GRM8: variants seen among roughly 807,000 people sequenced by gnomAD.
GRM8 encodes the protein metabotropic glutamate receptor 8.
In GRM8, 47 loss-of-function variants were observed where a neutral mutation model predicts 87.2. That is an observed-to-expected ratio of 0.54 (90% confidence interval 0.43 to 0.69). GRM8 has a LOEUF of 0.69. GRM8 is among the 30% of genes least tolerant of loss of function. The pLI, the probability that GRM8 is intolerant of heterozygous loss-of-function variation, is 0.00. For missense variants in GRM8, 1,019 were observed against 1,139.2 expected (o/e 0.89, Z 1.52); for synonymous variants, 396 against 404.5 (o/e 0.98, Z 0.25).
At chr7:127,010,226 G>A (rs1814748365) in intron 3 of GRM8, among the ~76,000 whole-genome samples, 1 of 152,036 alleles carries the variant, frequency 6.6e-6, no homozygotes, top group South Asian at 2.1e-4. Context: ...CTCCCTCAAG[G>A]CAACAGAACT....
intron 7 of GRM8, among the ~76,000 whole-genome samples, chr7:126,728,293 C>T (rs1813230407): frequency 6.6e-6 from 1 of 152,158 alleles, no homozygotes; most frequent in South Asian, 2.1e-4. Context: ...CCTGTCTGTG[C>T]CCTTGCTGAC....
chr7:126,947,979 C>T lies in GRM8; in HGVS notation c.728-43296G>A, dbSNP rs1807726563. ...TGATTTGCCAAATGTCAGACAGCATCCTAGCAAAGAGGGTAAGTTCTACTT... is the reference window on the plus strand; with the variant it reads ...TGATTTGCCAAATGTCAGACAGCATTCTAGCAAAGAGGGTAAGTTCTACTT... On this transcript the variant is annotated intron_variant, in intron 3 of 10. Coordinates refer to ENST00000339582, the MANE Select transcript of GRM8 (RefSeq NM_000845.3). Among the ~76,000 whole-genome samples the T allele has an allele frequency of 4.6e-5, 7 of 152,148 alleles. No individual in the cohort carries two copies. In the South Asian group the frequency reaches 1.5e-3, roughly 32 times the overall value.
intron 2 of GRM8, among the ~76,000 whole-genome samples, chr7:127,108,881 T>A (rs887228003): frequency 2.0e-5 from 3 of 152,210 alleles, no homozygotes; most frequent in Admixed American, 2.0e-4. Flanking sequence ...TGCAAGAGTA[T>A]GCATTTGTAT....
intron 3 of GRM8, among the ~76,000 whole-genome samples, chr7:127,035,245 G>A (rs1162270991): frequency 6.6e-6 from 1 of 152,136 alleles, no homozygotes; most frequent in African/African-American, 2.4e-5. Flanking sequence ...AAACACCATA[G>A]AATCATTTCA....
chr7:126,755,177 C>T (rs985964489), intron 7 of GRM8, among the ~76,000 whole-genome samples: 1 of 151,974 alleles, frequency 6.6e-6, no homozygotes, highest in Admixed American at 6.6e-5. Context: ...TGCCTATGCA[C>T]ATAGACTGTT....
intron 7 of GRM8, among the ~76,000 whole-genome samples, chr7:126,626,790 C>A (rs1352595232): frequency 6.6e-6 from 1 of 152,088 alleles, no homozygotes; most frequent in Non-Finnish European, 1.5e-5. Flanking sequence ...GAGGCTCAGG[C>A]AGGAGGATCG....
chr7:127,094,738 T>C (rs1824474154), intron 3 of GRM8, among the ~76,000 whole-genome samples: 1 of 152,132 alleles, frequency 6.6e-6, no homozygotes, highest in African/African-American at 2.4e-5. Context: ...AGCAAACTAA[T>C]ACAGTTGGCA....
intron 9 of GRM8, among the ~76,000 whole-genome samples, chr7:126,453,178 C>G (rs1340039627): frequency 6.6e-6 from 1 of 151,336 alleles, no homozygotes; most frequent in Non-Finnish European, 1.5e-5. Context: ...TTAGAGTCAC[C>G]ACAGCAAAGA....
intron 2 of GRM8, among the ~76,000 whole-genome samples, chr7:127,147,339 T>C (rs913530505): frequency 6.6e-6 from 1 of 152,090 alleles, no homozygotes; most frequent in African/African-American, 2.4e-5. Flanking sequence ...ATGAGGGTCC[T>C]CTGACAGGCC....
chr7:126,481,079 T>A (rs1374953439), intron 9 of GRM8, among the ~76,000 whole-genome samples: 1 of 152,042 alleles, frequency 6.6e-6, no homozygotes, highest in African/African-American at 2.4e-5. Flanking sequence ...TATATGATGA[T>A]TAGATTGGAT....
intron 8 of GRM8, among the ~76,000 whole-genome samples, chr7:126,594,244 C>A (rs1283649844): frequency 6.6e-6 from 1 of 151,864 alleles, no homozygotes; most frequent in African/African-American, 2.4e-5. Context: ...CGATATATAT[C>A]CAGGGGAAGT....
intron 7 of GRM8, among the ~76,000 whole-genome samples, chr7:126,721,321 C>T (rs1465041273): frequency 6.6e-6 from 1 of 152,124 alleles, no homozygotes; most frequent in Non-Finnish European, 1.5e-5. Flanking sequence ...GTGCAGCCAT[C>T]ACTAAAGCAC....
chr7:126,910,962 C>T (rs1346444109), intron 3 of GRM8, among the ~76,000 whole-genome samples: 3 of 152,134 alleles, frequency 2.0e-5, no homozygotes. Context: ...TAATGAGGTT[C>T]ATAATAACTA....
chr7:126,943,349 G>A (rs1807178898), intron 3 of GRM8, among the ~76,000 whole-genome samples: 1 of 152,124 alleles, frequency 6.6e-6, no homozygotes, highest in Non-Finnish European at 1.5e-5. Context: ...AGGGACTGTG[G>A]GACACATGGC....
At chr7:127,213,999 T>G (rs1796371089) in intron 2 of GRM8, among the ~76,000 whole-genome samples, 1 of 152,186 alleles carries the variant, frequency 6.6e-6, no homozygotes, top group Non-Finnish European at 1.5e-5. Context: ...AATAGAATAC[T>G]AAATTAAATA....
At chr7:126,626,606 C>T (rs1800719557) in intron 7 of GRM8, among the ~76,000 whole-genome samples, 1 of 152,110 alleles carries the variant, frequency 6.6e-6, no homozygotes, top group Non-Finnish European at 1.5e-5. Flanking sequence ...TGACACAATA[C>T]CAATGGTCAA....
chr7:126,513,913 G>A (rs1239532556), intron 9 of GRM8, among the ~76,000 whole-genome samples: 2 of 152,002 alleles, frequency 1.3e-5, no homozygotes, highest in African/African-American at 2.4e-5. Flanking sequence ...CTGCCTACAT[G>A]TAGCTTTTTA....
chr7:126,892,018 G>C (rs1175960862), intron 6 of GRM8, among the ~76,000 whole-genome samples: 1 of 61,380 alleles, frequency 1.6e-5, no homozygotes, highest in Non-Finnish European at 3.0e-5. Flanking sequence ...TGTTCTTGCA[G>C]GGTAAAAAAA....
intron 6 of GRM8, among the ~76,000 whole-genome samples, chr7:126,829,274 G>A (rs1445718380): frequency 1.0e-4 from 15 of 143,534 alleles, no homozygotes; most frequent in South Asian, 9.5e-4. Flanking sequence ...TTTCTGTCTC[G>A]TTGATCTGTC....
Sources: allele counts gnomAD v4.1 joint callset (sites outside exome capture counted in the v4.1 genomes callset), GRCh38; gene constraint gnomAD v4.1.1; transcripts MANE v1.5; gene names NCBI Gene and HGNC (gene_info 2026-07-23, HGNC 2026-07-21).